CRACDL: variants seen among roughly 807,000 people sequenced by gnomAD.
CRACDL encodes CRACD-like protein.
CRACDL carries 26 observed loss-of-function variants against 70.6 expected under a neutral mutation model. That is an observed-to-expected ratio of 0.37 (90% CI 0.27 to 0.51). The LOEUF (loss-of-function observed/expected upper bound fraction) is 0.51. CRACDL is among the 20% of genes least tolerant of loss of function. CRACDL has a pLI of 0.94. For synonymous variants in CRACDL, 618 were observed against 615.2 expected (o/e 1.00, Z -0.07); for missense variants, 1,283 against 1,376.9 (o/e 0.93, Z 1.08).
chr2:98,812,255 G>A (rs952895930), intron 7 of CRACDL, among the ~76,000 whole-genome samples: 11 of 152,162 alleles, frequency 7.2e-5, no homozygotes, highest in Non-Finnish European at 1.3e-4. Flanking sequence ...GATTACAGGC[G>A]TGAGCCACCG....
chr2:98,853,938 C>T (rs1317838837), intron 1 of CRACDL, among the ~76,000 whole-genome samples: 2 of 151,930 alleles, frequency 1.3e-5, no homozygotes, highest in Admixed American at 6.6e-5. Flanking sequence ...ATTCAATTAA[C>T]CCCAAAAAAG....
At chr2:98,873,286 T>G (rs1707399572) in intron 1 of CRACDL, among the ~76,000 whole-genome samples, 1 of 152,230 alleles carries the variant, frequency 6.6e-6, no homozygotes, top group Non-Finnish European at 1.5e-5. Context: ...CTTGTTTGTC[T>G]CCACATCATC....
intron 1 of CRACDL, among the ~76,000 whole-genome samples, chr2:98,896,762 G>GTTTTC (rs1708136978): frequency 6.6e-6 from 1 of 152,106 alleles, no homozygotes; most frequent in African/African-American, 2.4e-5. Flanking sequence ...GTTCTGTTTT[G>GTTTTC]TTTTCTTTTA....
chr2:98,933,420 C>A (rs1371624085), intron 1 of CRACDL, among the ~76,000 whole-genome samples: 1 of 152,144 alleles, frequency 6.6e-6, no homozygotes, highest in East Asian at 1.9e-4. Context: ...TAAATAGTGA[C>A]TGAAATAATA....
intron 1 of CRACDL, among the ~76,000 whole-genome samples, chr2:98,916,924 T>G (rs945204098): frequency 2.6e-5 from 4 of 152,350 alleles, no homozygotes; most frequent in Admixed American, 2.6e-4. Context: ...AAACTGAGCC[T>G]AAATGACAGT....
intron 1 of CRACDL, among the ~76,000 whole-genome samples, chr2:98,901,552 G>C (rs999794868): frequency 2.0e-5 from 3 of 152,204 alleles, no homozygotes; most frequent in African/African-American, 7.2e-5. Context: ...ACAGCCCACA[G>C]GGCACCTTAT....
rs149622421 is a variant in CRACDL, at chr2:98,823,140, G to T, written c.1133C>A (p.Ala378Glu). 2 of 1,561,468 alleles carry T rather than the reference G, an allele frequency of 1.3e-6. No homozygotes were observed. The highest frequency in any genetic ancestry group is 1.9e-5 in the Admixed American group (1 of 53,846). ...GTCCGTGGCCGGGGCACACGGGCCTGCGGGGGGCGCCTCCCCATCCTGCTT... is the reference window on the plus strand; with the variant it reads ...GTCCGTGGCCGGGGCACACGGGCCTTCGGGGGGCGCCTCCCCATCCTGCTT... The part of the protein sequence containing the change: ...GGKQDGEAPP[A>E]GPCAPATDKA... The change falls in exon 7 of 10, where the codon GCA becomes GAA. Residue 378 changes from alanine (A) to glutamate (E), a missense_variant. Around this residue, in one of 2 missense-constraint regions of CRACDL, gnomAD observed 921 missense variants for 881.9 expected, o/e 1.04. Coordinates refer to ENST00000397899, the MANE Select transcript of CRACDL (RefSeq NM_207362.3). The surrounding 1 kb of genome is among the most constrained non-coding windows in gnomAD (Gnocchi z 4.0).
chr2:98,843,115 T>C (rs562544141), intron 2 of CRACDL, among the ~76,000 whole-genome samples: 4 of 152,302 alleles, frequency 2.6e-5, no homozygotes, highest in Admixed American at 1.3e-4. Context: ...TGGTATCTCA[T>C]TGCAGTTTTA....
intron 1 of CRACDL, among the ~76,000 whole-genome samples, chr2:98,860,197 A>G (rs79231488): frequency 0.013 from 1,988 of 152,366 alleles, 58 homozygotes; most frequent in African/African-American, 0.045. Context: ...ATCAGAAGAC[A>G]ATATTATTAA....
Position 98,822,866 on chromosome 2 carries a change from C to T in CRACDL, c.1407G>A (p.Glu469=), listed in dbSNP as rs563322641. Residue 469 remains glutamate, a synonymous_variant, in exon 7 of 10, where the codon GAG becomes GAA. Coordinates refer to ENST00000397899, the MANE Select transcript of CRACDL (RefSeq NM_207362.3). The surrounding 1 kb of genome is among the most constrained non-coding windows in gnomAD (Gnocchi z 4.9). The stretch of plus-strand genomic sequence containing the variant: ...TCTCGGGCTCGGTCCCCGCTCCTCT[C>T]TCGGGCTCCGTCTCCGCTTCTCTCT... ...EPEREAETEP[E]RGAGTEPERI... is the part of the protein sequence containing the mutation. 1 of 1,465,794 alleles carries T rather than the reference C, an allele frequency of 6.8e-7. No individual in the cohort carries two copies. Among genetic ancestry groups the T allele is most frequent in the Non-Finnish European group, 8.9e-7 (1 of 1,119,122 alleles). The allele number at this position is 1,465,794 out of a possible 1,614,324, so 90.8% of individuals were successfully genotyped here.
At chr2:98,902,167 G>A (rs1405652286) in intron 1 of CRACDL, among the ~76,000 whole-genome samples, 1 of 152,178 alleles carries the variant, frequency 6.6e-6, no homozygotes, top group Non-Finnish European at 1.5e-5. Flanking sequence ...TATAGGTCAG[G>A]GCAGCCCATA....
chr2:98,888,980 T>C (rs915241280), intron 1 of CRACDL, among the ~76,000 whole-genome samples: 1 of 151,720 alleles, frequency 6.6e-6, no homozygotes, highest in Admixed American at 6.6e-5. Flanking sequence ...TACAAAAAAT[T>C]AGCCAGGCAT....
chr2:98,824,993 T>C (rs1008573873), intron 6 of CRACDL, among the ~76,000 whole-genome samples: 1 of 152,180 alleles, frequency 6.6e-6, no homozygotes, highest in Non-Finnish European at 1.5e-5. Context: ...AAACTATCAG[T>C]CACAGAGCCC....
At chr2:98,873,166 A>C (rs938713353) in intron 1 of CRACDL, among the ~76,000 whole-genome samples, 8 of 152,242 alleles carry the variant, frequency 5.3e-5, no homozygotes, top group Non-Finnish European at 7.3e-5. Flanking sequence ...CCTAGCACAC[A>C]GAAGGAACCC....
At chr2:98,928,333 C>T (rs1338244611) in intron 1 of CRACDL, among the ~76,000 whole-genome samples, 2 of 152,160 alleles carry the variant, frequency 1.3e-5, no homozygotes, top group African/African-American at 4.8e-5. Flanking sequence ...AAGGCTCTGC[C>T]CCAAATGTTG....
In CRACDL at chr2:98,794,237, T is replaced by A. The variant is rs530964284; in HGVS notation, c.*295A>T. On this transcript the variant is annotated 3_prime_UTR_variant, in exon 10 of 10. Coordinates refer to ENST00000397899, the MANE Select transcript of CRACDL (RefSeq NM_207362.3). Reference sequence around the variant, plus strand: ...AATTTCATTTCTATTTTCTTCCTTGTCTGAGGCTTCTTTATCAAGGGAATT... The same window carrying A: ...AATTTCATTTCTATTTTCTTCCTTGACTGAGGCTTCTTTATCAAGGGAATT... 1.6e-4 allele frequency: 42 copies of A among 265,324 alleles called. No homozygotes were observed. Among genetic ancestry groups the A allele is most frequent in the African/African-American group, 9.1e-4 (41 of 45,124 alleles). 16.4% of individuals were successfully genotyped at this position (265,324 alleles called of 1,614,324 possible). A position where few individuals can be genotyped will look rare whatever the true frequency, so the allele number is the denominator to read the frequency against.
chr2:98,820,047 T>C (rs888682382), intron 7 of CRACDL, among the ~76,000 whole-genome samples: 24 of 151,482 alleles, frequency 1.6e-4, no homozygotes, highest in African/African-American at 5.3e-4. Context: ...CTTGAACTCC[T>C]GACCTTGTGA....
In CRACDL at chr2:98,846,957, G is replaced by A. The variant is rs1013057046; in HGVS notation, c.-10-147C>T. On this transcript the variant is annotated intron_variant, in intron 1 of 9. Transcript: ENST00000397899. ...CCAGGGCAGAGTGCAGCACAGTACA[G>A]GCCAAAACCATATCCACAGCCACAA... The A allele has an allele frequency of 4.8e-6, 3 of 626,216 alleles. No homozygotes were observed. The African/African-American group carries it at 5.4e-5, about 11-fold the overall frequency. 38.8% of individuals were successfully genotyped at this position (626,216 alleles called of 1,614,324 possible).
intron 5 of CRACDL, among the ~76,000 whole-genome samples, chr2:98,828,871 C>G (rs1193003718): frequency 6.6e-6 from 1 of 152,214 alleles, no homozygotes; most frequent in Non-Finnish European, 1.5e-5. Context: ...TCACTGTGGT[C>G]ACTGACAACT....
Sources: allele counts gnomAD v4.1 joint callset (sites outside exome capture counted in the v4.1 genomes callset), GRCh38; gene constraint gnomAD v4.1.1; regional missense constraint gnomAD v4.1.1; non-coding constraint Gnocchi (gnomAD v3.1); transcripts MANE v1.5; gene names NCBI Gene and HGNC (gene_info 2026-07-23, HGNC 2026-07-21).